COG5: variants seen among roughly 807,000 people sequenced by gnomAD.
COG5 encodes conserved oligomeric Golgi complex subunit 5.
In COG5, 86 loss-of-function variants were observed where a neutral mutation model predicts 110.4. The observed-to-expected ratio is 0.78, with a 90% CI of 0.65 to 0.93. COG5 has a LOEUF of 0.93. Among genes scored for constraint, COG5 ranks in the 40% least tolerant of loss-of-function variants. COG5 has a pLI of 0.00. For missense variants in COG5, 1,077 were observed against 987.0 expected, an observed-to-expected ratio of 1.09 and a Z score of -1.22; for synonymous variants, 360 against 334.6, an observed-to-expected ratio of 1.08 and a Z score of -0.83.
At chr7:107,292,880 C>T (rs1391298663) in intron 12 of COG5, among the ~76,000 whole-genome samples, 1 of 152,172 alleles carries the variant, frequency 6.6e-6, no homozygotes, top group African/African-American at 2.4e-5. Flanking sequence ...TAAATGCACA[C>T]TTACATGTAG....
Position 107,298,250 on chromosome 7 carries a change from T to G in COG5, c.1205A>C (p.His402Pro). The change falls in exon 12 of 22, where the codon CAT (histidine) becomes CCT (proline). Residue 402 changes from histidine (H) to proline (P), a missense_variant. His to Pro is a moderately conservative substitution (Grantham distance 77, BLOSUM62 -2). Coordinates refer to ENST00000297135, the MANE Select transcript of COG5 (RefSeq NM_006348.5). Reference sequence around the variant, plus strand: ...ACTTGCATTAAAATTCCCTTGGATATGCTGACTGTATTGTTGAAGACGCTT... The same window carrying G: ...ACTTGCATTAAAATTCCCTTGGATAGGCTGACTGTATTGTTGAAGACGCTT... ...LWKRLQQYSQ[H>P]IQGNFNASGT... is the part of the protein sequence containing the mutation. 1 of 1,613,528 alleles carries G rather than the reference T, an allele frequency of 6.2e-7. No individual in the cohort carries two copies. Among genetic ancestry groups the G allele is most frequent in the South Asian group, 1.1e-5 (1 of 91,068 alleles).
rs1389387799 is a variant in COG5 at position 107,208,678 on chromosome 7, A to G, written c.2375+1848T>C. 3 of 985,348 alleles carry G rather than the reference A, an allele frequency of 3.0e-6. No homozygotes were observed. The African/African-American group carries it at 5.2e-5, about 17-fold the overall frequency. 61.0% of individuals were successfully genotyped at this position (985,348 alleles called of 1,614,324 possible). On this transcript the variant is annotated intron_variant, in intron 21 of 21. Transcript: ENST00000297135. ...TTCACCGGGGCTGGTAACCTCTCCC[A>G]TTTCTGTGTCAGATGTTCATAGCTG...
chr7:107,486,371 T>A (rs757504635), intron 6 of COG5, among the ~76,000 whole-genome samples: 1 of 151,936 alleles, frequency 6.6e-6, no homozygotes, highest in Non-Finnish European at 1.5e-5. Flanking sequence ...TGATCACAAA[T>A]CTTCAACCAG....
chr7:107,207,475 T>C (rs1465206994), intron 21 of COG5, among the ~76,000 whole-genome samples: 1 of 152,158 alleles, frequency 6.6e-6, no homozygotes, highest in South Asian at 2.1e-4. Flanking sequence ...CTGTGAACAT[T>C]TGTGTACTCC....
intron 10 of COG5, among the ~76,000 whole-genome samples, chr7:107,355,663 G>C (rs1812563243): frequency 6.6e-6 from 1 of 152,220 alleles, no homozygotes; most frequent in African/African-American, 2.4e-5. Context: ...GTGGAAGAAG[G>C]CATTCAGAAA....
chr7:107,389,631 C>T (rs897126820), intron 7 of COG5, among the ~76,000 whole-genome samples: 2 of 152,188 alleles, frequency 1.3e-5, no homozygotes, highest in African/African-American at 4.8e-5. Flanking sequence ...TCCAGTGAGG[C>T]AACTATAACA....
chr7:107,351,459 G>C (rs919071586), intron 10 of COG5, among the ~76,000 whole-genome samples: 1 of 152,170 alleles, frequency 6.6e-6, no homozygotes, highest in African/African-American at 2.4e-5. Flanking sequence ...ATTGACAAAT[G>C]GGATCTAATT....
At chr7:107,430,270 T>C (rs935895557) in intron 6 of COG5, among the ~76,000 whole-genome samples, 4 of 152,232 alleles carry the variant, frequency 2.6e-5, no homozygotes, top group African/African-American at 9.6e-5. Context: ...TTTTGCATGG[T>C]ATGAGGAAGT....
intron 5 of COG5, among the ~76,000 whole-genome samples, chr7:107,532,706 G>A (rs995223345): frequency 6.6e-6 from 1 of 151,978 alleles, no homozygotes; most frequent in Non-Finnish European, 1.5e-5. Context: ...TAGCTCTCAA[G>A]GACACAGGAG....
Position 107,201,465 on chromosome 7 carries a change from C to A in COG5, c.*2051G>T, listed in dbSNP as rs906880981. The stretch of plus-strand genomic sequence containing the variant: ...GCTTATGTTCTTAAGTCTATATTTG[C>A]ATATACATTGACTCTTGATGGAAAG... On this transcript the variant is annotated 3_prime_UTR_variant, in exon 22 of 22. Transcript: ENST00000297135. The A allele has an allele frequency of 1.4e-6, 2 of 1,394,482 alleles. No individual in the cohort carries two copies. Among genetic ancestry groups the A allele is most frequent in the Non-Finnish European group, 2.0e-6 (2 of 983,930 alleles). 86.4% of individuals were successfully genotyped at this position (1,394,482 alleles called of 1,614,324 possible).
rs1363690724 is a variant in COG5 at position 107,557,938 on chromosome 7, G to A, written c.234+38C>T. 3.1e-6 allele frequency: 5 copies of A among 1,609,602 alleles called. No individual in the cohort carries two copies. The African/African-American group carries it at 4.0e-5, about 13-fold the overall frequency. ...CAAAAATGCTAAATTATCACTTTAG[G>A]CTGAATAATCCATAGGGACCCAGAA... is the stretch of plus-strand genomic sequence containing the variant. On this transcript the variant is annotated intron_variant, in intron 2 of 21. Coordinates refer to ENST00000297135, the MANE Select transcript of COG5 (RefSeq NM_006348.5).
At chr7:107,392,823 T>C (rs1790719578) in intron 7 of COG5, among the ~76,000 whole-genome samples, 1 of 152,176 alleles carries the variant, frequency 6.6e-6, no homozygotes, top group South Asian at 2.1e-4. Flanking sequence ...AATCTGCAGG[T>C]CACTGTTTGG....
chr7:107,497,143 G>A (rs2129133060), intron 6 of COG5, among the ~76,000 whole-genome samples: 1 of 152,282 alleles, frequency 6.6e-6, no homozygotes, highest in South Asian at 2.1e-4. Context: ...CCAGGAGTTT[G>A]AGGTTACAAT....
intron 14 of COG5, among the ~76,000 whole-genome samples, chr7:107,265,861 C>T (rs1480249025): frequency 6.6e-6 from 1 of 151,994 alleles, no homozygotes; most frequent in African/African-American, 2.4e-5. Flanking sequence ...TTGAGACCAA[C>T]CTGAGCAACA....
At chr7:107,455,630 G>A (rs1795616357) in intron 6 of COG5, among the ~76,000 whole-genome samples, 2 of 152,058 alleles carry the variant, frequency 1.3e-5, no homozygotes, top group South Asian at 2.1e-4. Context: ...GCTAACTGAT[G>A]GTATATGTAA....
chr7:107,221,427 A>G (rs925498511), intron 19 of COG5, among the ~76,000 whole-genome samples: 2 of 152,142 alleles, frequency 1.3e-5, no homozygotes, highest in Admixed American at 6.5e-5. Flanking sequence ...AGCTCTCTGT[A>G]TAAAAGTCCT....
chr7:107,276,619 C>T (rs1031952044), intron 14 of COG5, among the ~76,000 whole-genome samples: 14 of 152,194 alleles, frequency 9.2e-5, no homozygotes, highest in African/African-American at 3.4e-4. Context: ...TGCCACTGTA[C>T]TTCAGGCTGG....
At chr7:107,308,128 A>G (rs1413444873) in intron 11 of COG5, among the ~76,000 whole-genome samples, 1 of 152,170 alleles carries the variant, frequency 6.6e-6, no homozygotes, top group East Asian at 1.9e-4. Context: ...TGTCTAAGAA[A>G]CTGGGACATT....
intron 10 of COG5, among the ~76,000 whole-genome samples, chr7:107,352,515 C>CA (rs201008309): frequency 0.013 from 1,508 of 120,086 alleles, 20 homozygotes; most frequent in African/African-American, 0.03. Context: ...AAAAAAAAAA[C>CA]AAAAAAAAAA....
Sources: gnomAD v4.1 joint callset for allele counts (sites outside exome capture counted in the v4.1 genomes callset) on GRCh38, gnomAD v4.1.1 for gene constraint, MANE v1.5 for transcripts, NCBI Gene and HGNC (gene_info 2026-07-23, HGNC 2026-07-21) for gene names.